DDHD2: variants seen among roughly 807,000 people sequenced by gnomAD.
DDHD2 encodes DDHD domain containing 2.
Under a neutral mutation model 91.2 loss-of-function variants are expected in DDHD2, and 62 were observed. The observed-to-expected ratio is 0.68, with a 90% CI of 0.55 to 0.84. The LOEUF is 0.84. Ranked by LOEUF, DDHD2 falls within the 40% of genes least tolerant of loss-of-function variation. DDHD2 has a pLI of 0.00. For synonymous variants in DDHD2, 271 were observed against 293.9 expected (o/e 0.92, Z 0.80); for missense variants, 740 against 846.9 (o/e 0.87, Z 1.57).
At chr8:38,263,270 T>G, downstream of DDHD2, 21 of 457,636 alleles carry the variant, frequency 4.6e-5, no homozygotes, top group Non-Finnish European at 5.8e-5. Flanking sequence ...TCCATTCTGA[T>G]GACATCCCAT....
At chr8:38,234,312 A>G (rs1804529476) in intron 2 of DDHD2, 82 bp from the exon 3 acceptor site, 1 of 1,038,420 alleles carries the variant, frequency 9.6e-7, no homozygotes, top group African/African-American at 1.7e-5. Flanking sequence ...TCATAACATT[A>G]TTTAGAGTAT....
At chr8:38,268,206 G>T in intron 1 of DDHD2, 3 of 1,068,674 alleles carry the variant, frequency 2.8e-6, no homozygotes, top group Admixed American at 2.8e-5. Context: ...CGTGTAGCCT[G>T]CGTAACCAAG....
chr8:38,258,444 G>A (rs1267655445), intron 16 of DDHD2, among the ~76,000 whole-genome samples: 2 of 151,842 alleles, frequency 1.3e-5, no homozygotes, highest in Non-Finnish European at 2.9e-5. Flanking sequence ...GTAGAGATGG[G>A]GTTTCACTAT....
chr8:38,260,090 A>G lies in DDHD2; in HGVS notation c.2105A>G (p.Gln702Arg), dbSNP rs752060274. The change falls in exon 17 of 18, where the codon CAG (glutamine) becomes CGG (arginine). Residue 702 changes from glutamine to arginine, a missense_variant. By Grantham distance (43) the Gln-to-Arg change is conservative. Around this residue, in one of 2 missense-constraint regions of DDHD2, gnomAD observed 47 missense variants for 82.6 expected, o/e 0.57. Coordinates refer to ENST00000397166, the MANE Select transcript of DDHD2 (RefSeq NM_015214.3). ...GTCCTCAAAGAGATCTACCAAACCC[A>G]GGGTATCTTCCTTGATCAGCCTTTA... ...LLVLKEIYQT[Q>R]GIFLDQPLQ 3 of 1,613,698 alleles carry G rather than the reference A, an allele frequency of 1.9e-6. No individual in the cohort carries two copies. The highest frequency in any genetic ancestry group is 2.2e-5 in the South Asian group (2 of 91,084).
intron 1 of DDHD2, chr8:38,270,270 G>C (rs535118795): frequency 6.6e-6 from 1 of 152,278 alleles, no homozygotes; most frequent in South Asian, 2.1e-4. Context: ...GATCTACAAA[G>C]TTTATTACAG....
chr8:38,259,656 C>T (rs10099063), intron 16 of DDHD2, among the ~76,000 whole-genome samples: 3,162 of 152,102 alleles, frequency 0.021, 111 homozygotes, highest in African/African-American at 0.071. Context: ...AGTGCTGGGA[C>T]TACAGGCGTG....
chr8:38,239,373 C>CAA (rs529440876), intron 5 of DDHD2, among the ~76,000 whole-genome samples: 13 of 51,490 alleles, frequency 2.5e-4, no homozygotes, highest in East Asian at 5.6e-4. Context: ...GACTCTGTCT[C>CAA]AAAAAAAAAA....
intron 1 of DDHD2, chr8:38,268,061 A>C: frequency 1.9e-6 from 3 of 1,581,480 alleles, no homozygotes; most frequent in Non-Finnish European, 2.6e-6. Flanking sequence ...GATGGATAGA[A>C]TCCAACCAGG....
At chr8:38,269,607 G>A (rs752711169) in intron 1 of DDHD2, 6 of 204,154 alleles carry the variant, frequency 2.9e-5, no homozygotes, top group Non-Finnish European at 5.8e-5. Flanking sequence ...CCTGAGGTTG[G>A]CTGGATTGTG....
chr8:38,264,425 G>T (rs1484458562), downstream of DDHD2: 6 of 1,530,282 alleles, frequency 3.9e-6, no homozygotes, highest in East Asian at 2.5e-5. Context: ...GAGCCACCAC[G>T]CCCGGCCAGA....
At chr8:38,267,149 G>A, downstream of DDHD2, 3 of 1,578,360 alleles carry the variant, frequency 1.9e-6, no homozygotes, top group East Asian at 2.3e-5. Context: ...TAAAGAAGGG[G>A]GGATTTTCCA....
chr8:38,267,804 A>C, downstream of DDHD2: 3 of 1,262,866 alleles, frequency 2.4e-6, no homozygotes, highest in Non-Finnish European at 2.3e-6. Context: ...GGAGAAAAGA[A>C]TGAGAAAGAC....
chr8:38,263,590 G>C (rs1413789553), downstream of DDHD2: 1 of 985,222 alleles, frequency 1.0e-6, no homozygotes, highest in African/African-American at 1.7e-5. Flanking sequence ...AGCAGTACCA[G>C]ATGGCTGGAC....
At chr8:38,253,520 G>C in intron 15 of DDHD2, 36 bp from the exon 16 acceptor site, 1 of 1,590,976 alleles carries the variant, frequency 6.3e-7, no homozygotes. Context: ...AAGGCCAAAA[G>C]GTTTTAGATT....
downstream of DDHD2, chr8:38,265,393 A>G (rs1368702138): frequency 6.6e-6 from 1 of 152,648 alleles, no homozygotes. Context: ...TGTCAGGTTC[A>G]AGCCATTCTC....
At chr8:38,270,918 A>G (rs1384215455) in intron 1 of DDHD2, 3 of 152,234 alleles carry the variant, frequency 2.0e-5, no homozygotes, top group Non-Finnish European at 4.4e-5. Flanking sequence ...GACCAAAACA[A>G]AACAAAAAAC....
downstream of DDHD2, chr8:38,267,322 C>G (rs1483810694): frequency 1.9e-6 from 3 of 1,613,986 alleles, no homozygotes; most frequent in Non-Finnish European, 1.7e-6. Context: ...CGTCCTTATC[C>G]CCTGTACACA....
intron 8 of DDHD2, 55 bp downstream of exon 8, chr8:38,246,005 T>A (rs1805606617): frequency 4.0e-6 from 6 of 1,509,722 alleles, no homozygotes; most frequent in Non-Finnish European, 5.5e-6. Flanking sequence ...TAAAGACACC[T>A]GTTTTTGAAG....
At chr8:38,270,684 A>C (rs1000431558) in intron 1 of DDHD2, 1 of 152,350 alleles carries the variant, frequency 6.6e-6, no homozygotes, top group African/African-American at 2.4e-5. Context: ...CAGGGAGGGG[A>C]GCAGTAAAAG....
Sources: gnomAD v4.1 joint callset for allele counts (sites outside exome capture counted in the v4.1 genomes callset) on GRCh38, gnomAD v4.1.1 for gene constraint, gnomAD v4.1.1 regional missense constraint, MANE v1.5 for transcripts, NCBI Gene and HGNC (gene_info 2026-07-23, HGNC 2026-07-21) for gene names.